The following KLF12 variants were observed in gnomAD, a reference collection of about 807,000 sequenced individuals.
KLF12 encodes KLF transcription factor 12.
KLF12 carries 9 observed loss-of-function variants against 37.8 expected under a neutral mutation model. That is an observed-to-expected ratio of 0.24 (90% CI 0.14 to 0.42). The LOEUF is 0.42. KLF12 is among the 10% of genes least tolerant of loss of function. The pLI, the probability that KLF12 is intolerant of heterozygous loss-of-function variation, is 1.00. For synonymous variants in KLF12, 208 were observed against 202.1 expected (o/e 1.03, Z -0.25); for missense variants, 411 against 516.0 (o/e 0.80, Z 1.97).
chr13:73,960,567 G>A (rs1269045545), intron 2 of KLF12, among the ~76,000 whole-genome samples: 2 of 152,056 alleles, frequency 1.3e-5, no homozygotes, highest in African/African-American at 4.8e-5. Flanking sequence ...AGTCATTTTG[G>A]TTCTCTAACC....
chr13:73,752,018 G>C (rs1006737449), intron 6 of KLF12, among the ~76,000 whole-genome samples: 6 of 152,010 alleles, frequency 3.9e-5, no homozygotes, highest in African/African-American at 1.5e-4. Context: ...TTTACTTTTT[G>C]AGACAGAGTG....
the KLF12 span, among the ~76,000 whole-genome samples, chr13:74,246,010 AC>A: frequency 2.6e-5 from 4 of 152,348 alleles, no homozygotes; most frequent in African/African-American, 9.6e-5. Context: ...CTTTCCTTGC[AC>A]CTAAAGGTCT....
At chr13:74,196,723 C>T in the KLF12 span, among the ~76,000 whole-genome samples, 1 of 152,082 alleles carries the variant, frequency 6.6e-6, no homozygotes, top group African/African-American at 2.4e-5. Flanking sequence ...TGTTGACACC[C>T]TCAGAAGTAA....
chr13:74,065,117 C>T (rs1267560632), intron 1 of KLF12, among the ~76,000 whole-genome samples: 1 of 152,074 alleles, frequency 6.6e-6, no homozygotes, highest in South Asian at 2.1e-4. Context: ...ATACATTCCA[C>T]TATCCTCCAT....
chr13:73,756,122 T>C (rs1358953122), intron 6 of KLF12, among the ~76,000 whole-genome samples: 2 of 152,146 alleles, frequency 1.3e-5, no homozygotes, highest in Non-Finnish European at 2.9e-5. Flanking sequence ...CTAATTTGAA[T>C]AGTCTGGGTC....
chr13:74,266,384 C>A, the KLF12 span, among the ~76,000 whole-genome samples: 11 of 152,136 alleles, frequency 7.2e-5, no homozygotes, highest in Non-Finnish European at 1.6e-4. Flanking sequence ...GAATGAGTCA[C>A]AAGCTCATTC....
Position 73,825,416 on chromosome 13 carries a change from G to A in KLF12, c.671-12129C>T, listed in dbSNP as rs140038126. ...GAGACAGTCCAGGTGCAGCAAGTGA[G>A]AACACTGCTATAGTATACACTATAA... On this transcript the variant is annotated intron_variant, in intron 4 of 7. Coordinates refer to ENST00000377669, the MANE Select transcript of KLF12 (RefSeq NM_007249.5). Among the ~76,000 whole-genome samples the A allele has an allele frequency of 2.0e-5, 3 of 152,314 alleles. No individual in the cohort carries two copies. The East Asian group carries it at 5.8e-4, about 29-fold the overall frequency.
At chr13:74,148,161 C>T in the KLF12 span, among the ~76,000 whole-genome samples, 3 of 151,980 alleles carry the variant, frequency 2.0e-5, no homozygotes, top group Non-Finnish European at 4.4e-5. Context: ...ATGATCCACC[C>T]GCCTCGGCCT....
chr13:73,926,937 G>GA (rs71115622), intron 3 of KLF12, among the ~76,000 whole-genome samples: 101,250 of 140,266 alleles, frequency 0.72, 38,130 homozygotes, highest in South Asian at 0.85. Context: ...TGTCTCCTTT[G>GA]AAAAAAAAAA....
chr13:73,918,764 T>G (rs890291961), intron 3 of KLF12, among the ~76,000 whole-genome samples: 5 of 152,232 alleles, frequency 3.3e-5, no homozygotes, highest in Non-Finnish European at 7.3e-5. Context: ...GGATTTCTCC[T>G]GCCAGAACCC....
chr13:74,154,378 T>C, the KLF12 span, among the ~76,000 whole-genome samples: 1 of 152,234 alleles, frequency 6.6e-6, no homozygotes, highest in Non-Finnish European at 1.5e-5. Context: ...AAAAAAATTA[T>C]TTTTACAAAA....
chr13:73,761,323 G>A (rs1365062826), intron 6 of KLF12, among the ~76,000 whole-genome samples: 1 of 152,080 alleles, frequency 6.6e-6, no homozygotes, highest in East Asian at 1.9e-4. Context: ...TTCAGCCTAA[G>A]AATTATTATG....
intron 1 of KLF12, among the ~76,000 whole-genome samples, chr13:74,047,318 G>A (rs1893572115): frequency 2.6e-5 from 4 of 152,178 alleles, no homozygotes; most frequent in South Asian, 2.1e-4. Flanking sequence ...CAGGCCAGGC[G>A]CGGTGGCTCA....
the KLF12 span, among the ~76,000 whole-genome samples, chr13:74,236,132 C>A: frequency 6.8e-6 from 1 of 146,382 alleles, no homozygotes; most frequent in Non-Finnish European, 1.5e-5. Context: ...GTGTGACGTT[C>A]CCCTTCCTGT....
chr13:74,085,247 T>G (rs943715909), intron 1 of KLF12, among the ~76,000 whole-genome samples: 3 of 152,164 alleles, frequency 2.0e-5, no homozygotes, highest in African/African-American at 7.2e-5. Flanking sequence ...CATGAACATA[T>G]GCAAAAACGG....
chr13:73,994,473 CA>C (rs59593862), intron 2 of KLF12, among the ~76,000 whole-genome samples: 95,774 of 147,642 alleles, frequency 0.65, 32,219 homozygotes, highest in Middle Eastern at 0.8. Flanking sequence ...GCGCCCCCCC[CA>C]CCACCACACT....
the KLF12 span, among the ~76,000 whole-genome samples, chr13:74,154,050 AC>A: frequency 3.4e-5 from 5 of 145,892 alleles, no homozygotes; most frequent in African/African-American, 7.5e-5. Context: ...ACACGGTGAA[AC>A]CCCGTCTCTA....
At chr13:74,227,954 G>A in the KLF12 span, among the ~76,000 whole-genome samples, 19 of 152,072 alleles carry the variant, frequency 1.2e-4, no homozygotes, top group African/African-American at 3.9e-4. Flanking sequence ...GTCAACTTTC[G>A]TGGACCTTAG....
At chr13:74,011,347 G>A (rs1197721440) in intron 1 of KLF12, among the ~76,000 whole-genome samples, 1 of 151,644 alleles carries the variant, frequency 6.6e-6, no homozygotes, top group Admixed American at 6.6e-5. Flanking sequence ...TGATTTCACT[G>A]ACCACCAGGC....
Sources: allele counts gnomAD v4.1 joint callset (sites outside exome capture counted in the v4.1 genomes callset), GRCh38; gene constraint gnomAD v4.1.1; transcripts MANE v1.5; gene names NCBI Gene and HGNC (gene_info 2026-07-23, HGNC 2026-07-21).